The following RPE65 variants were observed in gnomAD, a reference collection of about 807,000 sequenced individuals.
RPE65 encodes the protein retinoid isomerohydrolase.
A neutral mutation model predicts 68.5 loss-of-function variants in RPE65; 58 were observed. The ratio of observed to expected loss-of-function variants is 0.85; its 90% CI spans 0.69 to 1.05. The LOEUF (loss-of-function observed/expected upper bound fraction) is 1.05. Ranked by LOEUF, RPE65 falls within the 50% of genes least tolerant of loss-of-function variation. The probability of loss-of-function intolerance (pLI) is 0.00; values close to 1 mark genes in which losing one functional copy is unlikely to be tolerated. For missense variants in RPE65, 643 were observed against 629.9 expected, an observed-to-expected ratio of 1.02 and a Z score of -0.22; for synonymous variants, 220 against 222.2, an observed-to-expected ratio of 0.99 and a Z score of 0.09.
chr1:68,448,798 G>T, intron 1 of RPE65, 92 bp from the exon 2 acceptor site: 1 of 982,732 alleles, frequency 1.0e-6, no homozygotes. Context: ...GGCACTCTAG[G>T]GCTGGCTCAA....
In RPE65 at chr1:68,448,654, G is replaced by A. The variant is rs754228407; in HGVS notation, c.64C>T (p.Leu22=). 1 of 1,613,980 alleles carries A rather than the reference G, an allele frequency of 6.2e-7. No individual in the cohort carries two copies. Among genetic ancestry groups the A allele is most frequent in the South Asian group, 1.1e-5 (1 of 91,042 alleles). The change falls in exon 2 of 14, where the codon CTG becomes TTG. Residue 22 remains leucine, a synonymous_variant. Coordinates refer to ENST00000262340, the MANE Select transcript of RPE65 (RefSeq NM_000329.3). ...ACATGAGCTGTGAGCGGCGAGGACA[G>A]TTCCTCCACAGTTTCAAACAGTTTC... ...YKKLFETVEE[L]SSPLTAHVTG...
chr1:68,449,198 G>A (rs192321025), intron 1 of RPE65, among the ~76,000 whole-genome samples: 2 of 152,174 alleles, frequency 1.3e-5, no homozygotes, highest in East Asian at 3.9e-4. Context: ...CTTCCTAGGG[G>A]TTGAGAGATG....
chr1:68,445,943 G>A (rs1645939495), intron 3 of RPE65, among the ~76,000 whole-genome samples: 1 of 151,848 alleles, frequency 6.6e-6, no homozygotes. Context: ...CTATTATCAT[G>A]CAAGTTGTCC....
chr1:68,438,995 G>A lies in RPE65; in HGVS notation c.945C>T (p.Ile315=). The change falls in exon 9 of 14, where the codon ATC becomes ATT. Residue 315 remains isoleucine (I), a synonymous_variant. Coordinates refer to ENST00000262340, the MANE Select transcript of RPE65 (RefSeq NM_000329.3). ...RTSPFNLFHH[I]NTYEDNGFLI... ...GAAACCCATTGTCTTCATAGGTGTT[G>A]ATGTGATGGAAGAGGTTGAAAGGAG... 2 of 1,614,056 alleles carry A rather than the reference G, an allele frequency of 1.2e-6. No homozygotes were observed. The highest frequency in any genetic ancestry group is 1.7e-6 in the Non-Finnish European group (2 of 1,179,970).
chr1:68,429,888 T>C lies in RPE65; in HGVS notation c.1490A>G (p.Gln497Arg), dbSNP rs745365047. ...LSVVVSPGAG[Q>R]KPAYLLILNA... ...CAGAATCAGGAGATAAGCAGGCTTT[T>C]GTCCTGCTCCTGGGCTCACCACCAC... Residue 497 changes from glutamine (Q) to arginine (R), a missense_variant, in exon 14 of 14, where the codon CAA becomes CGA. Coordinates refer to ENST00000262340, the MANE Select transcript of RPE65 (RefSeq NM_000329.3). 1 of 1,613,910 alleles carries C rather than the reference T, an allele frequency of 6.2e-7. No homozygotes were observed. Among genetic ancestry groups the C allele is most frequent in the Non-Finnish European group, 8.5e-7 (1 of 1,179,828 alleles).
chr1:68,433,258 C>T (rs563707794), intron 10 of RPE65, among the ~76,000 whole-genome samples: 13 of 151,992 alleles, frequency 8.6e-5, no homozygotes, highest in East Asian at 5.8e-4. Context: ...TCCAACAAGA[C>T]GAGGAATGAG....
intron 3 of RPE65, among the ~76,000 whole-genome samples, 163 bp downstream of exon 3, chr1:68,446,547 A>G (rs771834157): frequency 6.6e-6 from 1 of 152,142 alleles, no homozygotes; most frequent in Non-Finnish European, 1.5e-5. Flanking sequence ...TTCCATGATA[A>G]TGTTCCCTCG....
intron 13 of RPE65, 83 bp from the exon 14 acceptor site, chr1:68,430,010 G>C: frequency 6.5e-7 from 1 of 1,537,810 alleles, no homozygotes; most frequent in Non-Finnish European, 8.9e-7. Context: ...TAATATAGGA[G>C]GTATTACATT....
Position 68,439,702 on chromosome 1 carries a change from A to G in RPE65, c.644-60T>C, listed in dbSNP as rs1645886951. On this transcript the variant is annotated intron_variant, in intron 6 of 13. Transcript: ENST00000262340. Reference sequence around the variant, plus strand: ...GCCTCTTATTTTTTTTTTAATACAAAGCATTTAGAACAGCTTATACAGGCA... The same window carrying G: ...GCCTCTTATTTTTTTTTTAATACAAGGCATTTAGAACAGCTTATACAGGCA... The G allele has an allele frequency of 2.2e-6, 3 of 1,339,604 alleles. No homozygotes were observed. In the South Asian group the frequency reaches 3.5e-5, roughly 16 times the overall value. 83.0% of individuals were successfully genotyped at this position (1,339,604 alleles called of 1,614,324 possible).
At chr1:68,439,761 T>C (rs1464520238) in intron 6 of RPE65, 119 bp from the exon 7 acceptor site, 2 of 776,986 alleles carry the variant, frequency 2.6e-6, no homozygotes, top group Non-Finnish European at 4.3e-6. Context: ...AGAGGGGTTA[T>C]TTTCATTTTC....
Position 68,439,038 on chromosome 1 carries a change from T to G in RPE65, c.902A>C (p.Asn301Thr), listed in dbSNP as rs201075875. 1 of 1,614,148 alleles carries G rather than the reference T, an allele frequency of 6.2e-7. No homozygotes were observed. The highest frequency in any genetic ancestry group is 1.7e-5 in the Admixed American group (1 of 60,014). ...IADKKRKKYL[N>T]NKYRTSPFNL... Reference sequence around the variant, plus strand: ...GAAAGGAGAAGTTCTGTATTTATTATTGAGGTACTTTTTCCTTTTTTTGTC... The same window carrying G: ...GAAAGGAGAAGTTCTGTATTTATTAGTGAGGTACTTTTTCCTTTTTTTGTC... Residue 301 changes from asparagine to threonine, a missense_variant, in exon 9 of 14, where the codon AAT (asparagine) becomes ACT (threonine). Asn to Thr is a moderately conservative substitution (Grantham distance 65). Coordinates refer to ENST00000262340, the MANE Select transcript of RPE65 (RefSeq NM_000329.3).
intron 1 of RPE65, among the ~76,000 whole-genome samples, 183 bp from the exon 2 acceptor site, chr1:68,448,889 G>A (rs1328452338): frequency 7.9e-6 from 1 of 126,314 alleles, no homozygotes; most frequent in East Asian, 2.8e-4. Flanking sequence ...GGCGGGAGGA[G>A]CACGTGAGGC....
At chr1:68,432,601 G>A (rs1399237942) in intron 10 of RPE65, among the ~76,000 whole-genome samples, 1 of 152,108 alleles carries the variant, frequency 6.6e-6, no homozygotes, top group African/African-American at 2.4e-5. Context: ...TCTATCAACT[G>A]AGCTAGGGGA....
intron 10 of RPE65, among the ~76,000 whole-genome samples, chr1:68,435,289 G>C (rs764412348): frequency 6.6e-6 from 1 of 151,944 alleles, no homozygotes; most frequent in Non-Finnish European, 1.5e-5. Flanking sequence ...TTCTCTCTCT[G>C]TATTCTCTGG....
intron 10 of RPE65, among the ~76,000 whole-genome samples, chr1:68,435,039 A>G (rs1645851270): frequency 6.6e-6 from 1 of 152,096 alleles, no homozygotes; most frequent in Admixed American, 6.5e-5. Flanking sequence ...TCCCTTAGAG[A>G]TCACCAAACC....
rs758419556 is a variant in RPE65, at chr1:68,448,681, T to C, written c.37A>G (p.Lys13Glu). The C allele has an allele frequency of 4.3e-6, 7 of 1,613,670 alleles. No homozygotes were observed. In the African/African-American group the frequency reaches 8.0e-5, roughly 18 times the overall value. The change falls in exon 2 of 14, where the codon AAG becomes GAG. Residue 13 changes from lysine to glutamate, a missense_variant. Physicochemically the swap from Lys to Glu is moderately conservative, Grantham distance 56. Coordinates refer to ENST00000262340, the MANE Select transcript of RPE65 (RefSeq NM_000329.3). ...TCCTCCACAGTTTCAAACAGTTTCT[T>C]GTAACCACCAGCAGGATGCTCAACC... The part of the protein sequence containing the change: ...IQVEHPAGGY[K>E]KLFETVEELS...
At chr1:68,430,522 G>A (rs1457928520) in intron 13 of RPE65, among the ~76,000 whole-genome samples, 1 of 152,046 alleles carries the variant, frequency 6.6e-6, no homozygotes, top group Non-Finnish European at 1.5e-5. Flanking sequence ...CCCATAGAGT[G>A]TAATCTATCT....
rs1557605446 is a variant in RPE65 at position 68,449,876 on chromosome 1, G to T, written c.11+19C>A. ...GAATCCATGAAGGTGTTTTAAAAAAGTCTCCCAGAGATACTTACTGGATAG... is the reference window on the plus strand; with the variant it reads ...GAATCCATGAAGGTGTTTTAAAAAATTCTCCCAGAGATACTTACTGGATAG... On this transcript the variant is annotated intron_variant, in intron 1 of 13. Coordinates refer to ENST00000262340, the MANE Select transcript of RPE65 (RefSeq NM_000329.3). 7 of 1,613,818 alleles carry T rather than the reference G, an allele frequency of 4.3e-6. No individual in the cohort carries two copies. Among genetic ancestry groups the T allele is most frequent in the Non-Finnish European group, 5.9e-6 (7 of 1,179,736 alleles).
At chr1:68,433,776 G>A (rs1645842186) in intron 10 of RPE65, among the ~76,000 whole-genome samples, 1 of 152,090 alleles carries the variant, frequency 6.6e-6, no homozygotes, top group Non-Finnish European at 1.5e-5. Context: ...GGGGTGGAGA[G>A]CTGAATTTAA....
Sources: allele counts gnomAD v4.1 joint callset (sites outside exome capture counted in the v4.1 genomes callset), GRCh38; gene constraint gnomAD v4.1.1; transcripts MANE v1.5; gene names NCBI Gene and HGNC (gene_info 2026-07-23, HGNC 2026-07-21).